The following GPATCH2L variants were observed in gnomAD, a reference collection of about 807,000 sequenced individuals.
The protein encoded by GPATCH2L is G-patch domain containing 2 like, also known as G patch domain-containing protein 2-like.
GPATCH2L carries 31 observed loss-of-function variants against 57.4 expected under a neutral mutation model. The observed-to-expected ratio is 0.54, with a 90% CI of 0.41 to 0.73. The LOEUF (loss-of-function observed/expected upper bound fraction) is 0.73. Among genes scored for constraint, GPATCH2L ranks in the 30% least tolerant of loss-of-function variants. The probability of loss-of-function intolerance (pLI) is 0.00; values close to 1 mark genes in which losing one functional copy is unlikely to be tolerated. For missense variants in GPATCH2L, 481 were observed against 599.9 expected (o/e 0.80, Z 2.07); for synonymous variants, 199 against 210.7 (o/e 0.94, Z 0.48).
intron 7 of GPATCH2L, chr14:76,179,326 A>C (rs1594952795): frequency 6.6e-6 from 1 of 152,260 alleles, no homozygotes; most frequent in East Asian, 1.9e-4. Context: ...AAAGCTGAGC[A>C]AAAATAATTG....
intron 1 of GPATCH2L, among the ~76,000 whole-genome samples, chr14:76,228,397 C>G (rs528823009): frequency 3.3e-5 from 5 of 152,300 alleles, no homozygotes; most frequent in African/African-American, 1.2e-4. Flanking sequence ...TGCTTTCTCC[C>G]TCTCACCTCC....
At chr14:76,224,064 A>G (rs75167804) in intron 1 of GPATCH2L, among the ~76,000 whole-genome samples, 1 of 152,360 alleles carries the variant, frequency 6.6e-6, no homozygotes, top group East Asian at 1.9e-4. Flanking sequence ...CCATGAAAAG[A>G]CTGAAGTACT....
At chr14:76,175,951 G>A (rs984160967) in intron 5 of GPATCH2L, 2 of 152,124 alleles carry the variant, frequency 1.3e-5, no homozygotes, top group African/African-American at 4.8e-5. Context: ...GTGAATTGCC[G>A]TTTTCCAATT....
In GPATCH2L at chr14:76,206,513, A is replaced by T. The variant is rs1027641082; in HGVS notation, c.*4662A>T. On this transcript the variant is annotated 3_prime_UTR_variant, in exon 10 of 10. Coordinates refer to ENST00000261530, the MANE Select transcript of GPATCH2L (RefSeq NM_017926.4). The stretch of plus-strand genomic sequence containing the variant: ...AATTGCCAGATTTAGGGAATAAAAA[A>T]TTTTTAAAGTACAGTGTTGAAGAAT... 4 of 152,176 alleles carry T rather than the reference A, an allele frequency of 2.6e-5. No individual in the cohort carries two copies. Among genetic ancestry groups the T allele is most frequent in the Admixed American group, 6.5e-5 (1 of 15,282 alleles). The allele number at this position is 152,176 out of a possible 1,614,324, so 9.4% of individuals were successfully genotyped here. A position where few individuals can be genotyped will look rare whatever the true frequency, so the allele number is the denominator to read the frequency against.
downstream of GPATCH2L, among the ~76,000 whole-genome samples, chr14:76,215,012 C>T (rs1280220866): frequency 6.6e-6 from 1 of 152,080 alleles, no homozygotes; most frequent in East Asian, 1.9e-4. Flanking sequence ...AATTCTTTTA[C>T]TTTTGAAGTT....
chr14:76,170,840 G>A (rs2139653125), intron 3 of GPATCH2L: 1 of 152,218 alleles, frequency 6.6e-6, no homozygotes, highest in African/African-American at 2.4e-5. Flanking sequence ...TCAGGCTTTT[G>A]AGTTAGTCAG....
chr14:76,177,910 TG>T, intron 6 of GPATCH2L, 77 bp from the exon 7 acceptor site: 1 of 1,599,626 alleles, frequency 6.3e-7, no homozygotes, highest in Non-Finnish European at 8.6e-7. Context: ...TACCATCAGC[TG>T]GGAAAAGAGA....
chr14:76,154,945 A>G lies in GPATCH2L; in HGVS notation c.582A>G (p.Leu194=), dbSNP rs1458908577. 3 of 1,614,026 alleles carry G rather than the reference A, an allele frequency of 1.9e-6. No individual in the cohort carries two copies. Among genetic ancestry groups the G allele is most frequent in the African/African-American group, 2.7e-5 (2 of 74,954 alleles). The change falls in exon 2 of 10, where the codon CTA becomes CTG. Residue 194 remains leucine (L), a synonymous_variant. Transcript: ENST00000261530. This position sits in a 1 kb window ranked among gnomAD's most constrained non-coding sequence, Gnocchi z 4.4. ...LCESAENRTF[L]SKTGRKERME... The stretch of plus-strand genomic sequence containing the variant: ...AATCAGCAGAAAATAGGACTTTCCT[A>G]AGCAAAACAGGAAGGAAAGAAAGGA...
intron 8 of GPATCH2L, among the ~76,000 whole-genome samples, chr14:76,188,142 G>A (rs766825422): frequency 3.9e-5 from 6 of 151,962 alleles, no homozygotes; most frequent in Non-Finnish European, 8.8e-5. Flanking sequence ...GGTTGCTTCC[G>A]AATTTTGGCT....
intron 9 of GPATCH2L, among the ~76,000 whole-genome samples, chr14:76,196,805 A>C (rs1423925069): frequency 2.0e-5 from 3 of 152,170 alleles, no homozygotes; most frequent in Non-Finnish European, 2.9e-5. Context: ...CTGAATAGAG[A>C]GTAAACCTCA....
chr14:76,197,498 C>G (rs1258185138), intron 9 of GPATCH2L, among the ~76,000 whole-genome samples: 2 of 152,104 alleles, frequency 1.3e-5, no homozygotes, highest in African/African-American at 4.8e-5. Context: ...AGCTCCTTTC[C>G]TCACTTGTTG....
chr14:76,188,431 C>T (rs1355595473), intron 8 of GPATCH2L, among the ~76,000 whole-genome samples: 2 of 152,048 alleles, frequency 1.3e-5, no homozygotes, highest in Non-Finnish European at 2.9e-5. Flanking sequence ...GATGATGTCT[C>T]ATTGTAGTTT....
chr14:76,164,440 A>T (rs980990195), intron 2 of GPATCH2L, among the ~76,000 whole-genome samples: 1 of 152,062 alleles, frequency 6.6e-6, no homozygotes, highest in Non-Finnish European at 1.5e-5. Flanking sequence ...GATATTGCCA[A>T]ATTGGGACGG....
Position 76,230,911 on chromosome 14 carries a change from G to A in GPATCH2L, c.*117+958G>A, listed in dbSNP as rs183216126. 3.9e-5 allele frequency among the ~76,000 whole-genome samples: 6 copies of A among 152,312 alleles called. No homozygotes were observed. In the East Asian group the frequency reaches 1.2e-3, roughly 29 times the overall value. Reference sequence around the variant, plus strand: ...TTTGACAGAAGCGACAAGTAAATTAGGGGTGGAGGGCTTCTGCCTTCTTTC... The same window carrying A: ...TTTGACAGAAGCGACAAGTAAATTAAGGGTGGAGGGCTTCTGCCTTCTTTC... On this transcript the variant is annotated intron_variant and NMD_transcript_variant, in intron 2 of 3. Coordinates refer to the GPATCH2L transcript ENST00000556372.
rs186852621 is a variant in GPATCH2L at position 76,230,760 on chromosome 14, G to A, written c.*117+807G>A. Among the ~76,000 whole-genome samples, 8 of 152,268 alleles carry A rather than the reference G, an allele frequency of 5.3e-5. No homozygotes were observed. In the East Asian group the frequency reaches 7.7e-4, roughly 15 times the overall value. On this transcript the variant is annotated intron_variant and NMD_transcript_variant, in intron 2 of 3. Coordinates refer to the GPATCH2L transcript ENST00000556372. Reference sequence around the variant, plus strand: ...ATCAACATCTGGAAAGCAATTCTTCGAAGTAATCAACTTTAATTCATTAGC... The same window carrying A: ...ATCAACATCTGGAAAGCAATTCTTCAAAGTAATCAACTTTAATTCATTAGC...
chr14:76,157,269 T>C (rs1056220915), intron 2 of GPATCH2L, among the ~76,000 whole-genome samples: 1 of 152,240 alleles, frequency 6.6e-6, no homozygotes, highest in African/African-American at 2.4e-5. Flanking sequence ...AGGGGGTGAT[T>C]CTTACTCTTT....
chr14:76,221,782 A>G (rs546083746), intron 1 of GPATCH2L, among the ~76,000 whole-genome samples: 70 of 152,330 alleles, frequency 4.6e-4, no homozygotes, highest in Non-Finnish European at 8.4e-4. Flanking sequence ...AATTATGGGG[A>G]CAGTAAAAAG....
chr14:76,207,034 CCTGGGTGTG>C lies in GPATCH2L; in HGVS notation c.*5184_*5192del, dbSNP rs1419634755. 9 of 152,238 alleles carry C rather than the reference CCTGGGTGTG, an allele frequency of 5.9e-5. No homozygotes were observed. The highest frequency in any genetic ancestry group is 2.2e-4 in the African/African-American group (9 of 41,526). The allele number at this position is 152,238 out of a possible 1,614,324, so 9.4% of individuals were successfully genotyped here. ...AATAACCTTTTGAAAATGGATAAAG[CCTGGGTGTG>C]GTGACTCACGCCCATAATCCCAACA... On this transcript the variant is annotated 3_prime_UTR_variant, in exon 10 of 10. Coordinates refer to ENST00000261530, the MANE Select transcript of GPATCH2L (RefSeq NM_017926.4).
chr14:76,180,675 A>G (rs2039527057), intron 7 of GPATCH2L, 89 bp from the exon 8 acceptor site: 1 of 832,114 alleles, frequency 1.2e-6, no homozygotes, highest in African/African-American at 1.7e-5. Flanking sequence ...GGATAGTCAA[A>G]GGGGAAAAGT....
Sources: gnomAD v4.1 joint callset for allele counts (sites outside exome capture counted in the v4.1 genomes callset) on GRCh38, gnomAD v4.1.1 for gene constraint, Gnocchi (gnomAD v3.1) non-coding constraint, MANE v1.5 for transcripts, NCBI Gene and HGNC (gene_info 2026-07-23, HGNC 2026-07-21) for gene names.